Variants in SLC44A5 observed in about 807,000 individuals in gnomAD.
SLC44A5 encodes solute carrier family 44 member 5, also known as choline transporter-like protein 5.
Under a neutral mutation model 101.8 loss-of-function variants are expected in SLC44A5, and 57 were observed. That is an observed-to-expected ratio of 0.56 (90% confidence interval 0.45 to 0.70). The LOEUF (loss-of-function observed/expected upper bound fraction) is 0.70, where lower values mean the gene tolerates loss of function less well. SLC44A5 is among the 30% of genes least tolerant of loss of function. The pLI is 0.00. For synonymous variants in SLC44A5, 281 were observed against 290.9 expected (o/e 0.97, Z 0.35); for missense variants, 737 against 853.1 (o/e 0.86, Z 1.70).
the SLC44A5 span, among the ~76,000 whole-genome samples, chr1:75,673,251 TG>T: frequency 6.6e-6 from 1 of 151,804 alleles, no homozygotes; most frequent in African/African-American, 2.4e-5. Flanking sequence ...GAAGAGGTCT[TG>T]GGCCTTGAGT....
intron 7 of SLC44A5, among the ~76,000 whole-genome samples, chr1:75,249,728 C>T (rs1649404038): frequency 6.6e-6 from 1 of 152,206 alleles, no homozygotes; most frequent in African/African-American, 2.4e-5. Flanking sequence ...GAGAACTATA[C>T]ATCATCTATA....
intron 2 of SLC44A5, chr1:75,402,447 C>T (rs150303480): frequency 7.2e-5 from 29 of 401,416 alleles, no homozygotes; most frequent in East Asian, 2.5e-4. Flanking sequence ...GCAAGATCAA[C>T]GCAGAAGGCA....
chr1:75,234,771 AG>A (rs1647917783), intron 11 of SLC44A5, among the ~76,000 whole-genome samples: 1 of 152,048 alleles, frequency 6.6e-6, no homozygotes, highest in Non-Finnish European at 1.5e-5. Context: ...AGCAATTAAC[AG>A]CACGACTATC....
chr1:75,281,675 G>C (rs1367372842), intron 5 of SLC44A5, among the ~76,000 whole-genome samples: 2 of 130,192 alleles, frequency 1.5e-5, no homozygotes, highest in African/African-American at 2.8e-5. Context: ...TAGGGACTTG[G>C]TGCCCCACAT....
At position 75,262,757 on chromosome 1, in the gene SLC44A5, C is replaced by G. The variant is rs142203849; in HGVS notation, c.261-11463G>C. ...TACTACAAGGCTACAGTAATAAAAA[C>G]AGCATGGTACTAGTACCAAAACAGA... On this transcript the variant is annotated intron_variant, in intron 6 of 23. Transcript: ENST00000370859. Among the ~76,000 whole-genome samples the G allele has an allele frequency of 1.4e-3, 213 of 152,266 alleles. 1 individual carries two copies. The highest frequency in any genetic ancestry group is 4.8e-3 in the African/African-American group (200 of 41,556).
chr1:75,273,793 G>T (rs1651689105), intron 6 of SLC44A5, among the ~76,000 whole-genome samples: 1 of 151,992 alleles, frequency 6.6e-6, no homozygotes, highest in Non-Finnish European at 1.5e-5. Context: ...ATTTTGTTAA[G>T]AATTTTTGCA....
chr1:75,700,043 A>G, the SLC44A5 span, among the ~76,000 whole-genome samples: 1 of 152,146 alleles, frequency 6.6e-6, no homozygotes. Flanking sequence ...TTAGACTCCC[A>G]CACATTAATA....
At chr1:75,622,766 C>A in the SLC44A5 span, among the ~76,000 whole-genome samples, 1 of 152,088 alleles carries the variant, frequency 6.6e-6, no homozygotes, top group Non-Finnish European at 1.5e-5. Context: ...TGCTCAAGGA[C>A]AGAATTTTCT....
chr1:75,339,407 G>A (rs1359152332), intron 4 of SLC44A5, among the ~76,000 whole-genome samples, 175 bp downstream of exon 4: 1 of 152,110 alleles, frequency 6.6e-6, no homozygotes, highest in Non-Finnish European at 1.5e-5. Context: ...CTCATGGAAA[G>A]ATTTATTCTC....
At chr1:75,536,692 C>T (rs1174081595) in intron 2 of SLC44A5, among the ~76,000 whole-genome samples, 1 of 149,272 alleles carries the variant, frequency 6.7e-6, no homozygotes, top group Non-Finnish European at 1.5e-5. Flanking sequence ...TTTTCTTCTC[C>T]CATTTTCTTT....
chr1:75,608,254 A>AT (rs1445628135), intron 1 of SLC44A5, among the ~76,000 whole-genome samples: 2 of 151,984 alleles, frequency 1.3e-5, no homozygotes, highest in Admixed American at 6.6e-5. Flanking sequence ...CTGAAAATAT[A>AT]TTTTTCCAGA....
chr1:75,467,467 G>T (rs1165157996), intron 2 of SLC44A5, among the ~76,000 whole-genome samples: 1 of 152,056 alleles, frequency 6.6e-6, no homozygotes, highest in Non-Finnish European at 1.5e-5. Context: ...CAGCTTGATA[G>T]TGACATAGAA....
chr1:75,241,532 C>G (rs12562352), intron 9 of SLC44A5, among the ~76,000 whole-genome samples: 41,549 of 151,844 alleles, frequency 0.27, 5,889 homozygotes, highest in Middle Eastern at 0.35. Flanking sequence ...ATTTTGTCCA[C>G]AGTATACAGT....
chr1:75,567,268 C>T (rs557768199), intron 1 of SLC44A5, among the ~76,000 whole-genome samples: 1 of 152,118 alleles, frequency 6.6e-6, no homozygotes, highest in Non-Finnish European at 1.5e-5. Context: ...GTACAGCTCC[C>T]CCACATAGAT....
At chr1:75,271,546 T>A (rs973272434) in intron 6 of SLC44A5, among the ~76,000 whole-genome samples, 13 of 150,012 alleles carry the variant, frequency 8.7e-5, no homozygotes, top group African/African-American at 3.2e-4. Context: ...AGCTCTCACT[T>A]ATAAGTAAGA....
intron 1 of SLC44A5, among the ~76,000 whole-genome samples, chr1:75,560,476 T>C (rs1212752047): frequency 6.6e-6 from 1 of 152,148 alleles, no homozygotes; most frequent in Non-Finnish European, 1.5e-5. Context: ...GGGTTTCTTT[T>C]AGGGGAGACA....
intron 2 of SLC44A5, among the ~76,000 whole-genome samples, chr1:75,435,725 A>G (rs139267744): frequency 0.012 from 1,792 of 152,268 alleles, 34 homozygotes; most frequent in Middle Eastern, 0.051. Flanking sequence ...TAAGATTGTA[A>G]CAACTGAATT....
At chr1:75,204,363 T>G (rs1646714183) in intron 23 of SLC44A5, 1 of 152,222 alleles carries the variant, frequency 6.6e-6, no homozygotes, top group Admixed American at 6.5e-5. Flanking sequence ...TCATTTTTAT[T>G]CTACATATTT....
chr1:75,700,015 A>G, the SLC44A5 span, among the ~76,000 whole-genome samples: 1 of 152,118 alleles, frequency 6.6e-6, no homozygotes, highest in African/African-American at 2.4e-5. Context: ...GCAAGTCCTG[A>G]GTGACCTACA....
Sources: gnomAD v4.1 joint callset for allele counts (sites outside exome capture counted in the v4.1 genomes callset) on GRCh38, gnomAD v4.1.1 for gene constraint, MANE v1.5 for transcripts, NCBI Gene and HGNC (gene_info 2026-07-23, HGNC 2026-07-21) for gene names.